The following RAD17 variants were observed in gnomAD, a reference collection of about 807,000 sequenced individuals.
RAD17 encodes RAD17 checkpoint clamp loader component.
Under a neutral mutation model 81.5 loss-of-function variants are expected in RAD17, and 31 were observed. The observed-to-expected ratio is 0.38, with a 90% CI of 0.29 to 0.51. The LOEUF is 0.51. RAD17 is among the 20% of genes least tolerant of loss of function. The pLI is 0.88. For synonymous variants in RAD17, 261 were observed against 266.2 expected, an observed-to-expected ratio of 0.98 and a Z score of 0.19; for missense variants, 681 against 781.2, an observed-to-expected ratio of 0.87 and a Z score of 1.53.
chr5:69,393,306 G>C (rs1373564312), intron 14 of RAD17, 48 bp from the exon 15 acceptor site: 12 of 1,567,012 alleles, frequency 7.7e-6, no homozygotes, highest in South Asian at 2.3e-5. Flanking sequence ...ATATATATTT[G>C]ACCATTGCAT....
chr5:69,384,012 A>G (rs1245512444), intron 7 of RAD17: 1 of 152,058 alleles, frequency 6.6e-6, no homozygotes, highest in Admixed American at 6.6e-5. Flanking sequence ...CTAAAAATTC[A>G]ATAATTAGCC....
Position 69,414,289 on chromosome 5 carries a change from A to G in RAD17, c.2010A>G (p.Thr670=). The change falls in exon 19 of 19, where the codon ACA becomes ACG. Residue 670 remains threonine, a synonymous_variant. Coordinates refer to ENST00000354868, the MANE Select transcript of RAD17 (RefSeq NM_133338.3). ...IIIEDYESDG[T] Reference sequence around the variant, plus strand: ...TAGAAGACTACGAGAGTGATGGGACATAGAAGCCAGCCTGCTAATCAGATT... The same window carrying G: ...TAGAAGACTACGAGAGTGATGGGACGTAGAAGCCAGCCTGCTAATCAGATT... 1 of 1,613,698 alleles carries G rather than the reference A, an allele frequency of 6.2e-7. No homozygotes were observed. The highest frequency in any genetic ancestry group is 8.5e-7 in the Non-Finnish European group (1 of 1,179,640).
At chr5:69,392,393 A>G (rs1307419888) in intron 13 of RAD17, among the ~76,000 whole-genome samples, 2 of 152,188 alleles carry the variant, frequency 1.3e-5, no homozygotes, top group Non-Finnish European at 2.9e-5. Flanking sequence ...GTTTCTTTCA[A>G]TCGTCTTGTA....
chr5:69,373,817 CTT>C lies in RAD17; in HGVS notation c.10-5_10-4del. 7 of 1,485,900 alleles carry C rather than the reference CTT, an allele frequency of 4.7e-6. No individual in the cohort carries two copies. Among genetic ancestry groups the C allele is most frequent in the Non-Finnish European group, 6.3e-6 (7 of 1,109,726 alleles). The allele number at this position is 1,485,900 out of a possible 1,614,324, so 92.0% of individuals were successfully genotyped here. ...AAATGTGATTATATTTACATGATTT[CTT>C]TTTTTTTCAGGTAACAGACTGGGTT... On this transcript the variant is annotated splice_polypyrimidine_tract_variant and intron_variant, in intron 4 of 18. Coordinates refer to ENST00000354868, the MANE Select transcript of RAD17 (RefSeq NM_133338.3).
At chr5:69,385,476 G>A (rs1764154961) in intron 8 of RAD17, among the ~76,000 whole-genome samples, 1 of 151,384 alleles carries the variant, frequency 6.6e-6, no homozygotes, top group African/African-American at 2.4e-5. Context: ...TTGCCACGTT[G>A]GCCAGGCTGG....
chr5:69,398,253 A>G (rs1181983479), intron 16 of RAD17, among the ~76,000 whole-genome samples: 1 of 152,232 alleles, frequency 6.6e-6, no homozygotes, highest in Non-Finnish European at 1.5e-5. Context: ...ATTTCAGAAC[A>G]TCATGTTGTA....
intron 17 of RAD17, 140 bp downstream of exon 17, chr5:69,400,309 C>A: frequency 2.0e-6 from 1 of 494,512 alleles, no homozygotes; most frequent in Non-Finnish European, 3.0e-6. Flanking sequence ...CCTCTGCCTC[C>A]TGGGTTCAAG....
intron 12 of RAD17, among the ~76,000 whole-genome samples, chr5:69,391,409 T>A (rs1764550713): frequency 6.6e-6 from 1 of 152,214 alleles, no homozygotes. Flanking sequence ...CAGATTTTTT[T>A]AAGATTTTGG....
intron 18 of RAD17, 40 bp from the exon 19 acceptor site, chr5:69,413,991 C>T: frequency 1.3e-6 from 2 of 1,599,696 alleles, no homozygotes; most frequent in Middle Eastern, 1.7e-4. Flanking sequence ...AAAATCTTCT[C>T]CTTTGGTTCT....
Position 69,371,524 on chromosome 5 carries a change from A to C in RAD17, c.-209A>C. Reference sequence around the variant, plus strand: ...AACTATTACAGTTTATAATGTCAAAAACTTTTCTTAGACCAAAGGTATCTT... The same window carrying C: ...AACTATTACAGTTTATAATGTCAAACACTTTTCTTAGACCAAAGGTATCTT... On this transcript the variant is annotated 5_prime_UTR_variant, in exon 3 of 19. Coordinates refer to ENST00000354868, the MANE Select transcript of RAD17 (RefSeq NM_133338.3). 14 of 1,435,246 alleles carry C rather than the reference A, an allele frequency of 9.8e-6. No individual in the cohort carries two copies. Among genetic ancestry groups the C allele is most frequent in the Non-Finnish European group, 1.3e-5 (14 of 1,073,898 alleles). 88.9% of individuals were successfully genotyped at this position (1,435,246 alleles called of 1,614,324 possible). A position where few individuals can be genotyped will look rare whatever the true frequency, so the allele number is the denominator to read the frequency against.
Position 69,400,502 on chromosome 5 carries a change from C to T in RAD17, c.1693+333C>T, listed in dbSNP as rs1045077265. Among the ~76,000 whole-genome samples the T allele has an allele frequency of 2.6e-5, 4 of 152,106 alleles. No individual in the cohort carries two copies. The South Asian group carries it at 8.3e-4, about 32-fold the overall frequency. On this transcript the variant is annotated intron_variant, in intron 17 of 18. Transcript: ENST00000354868. ...GAGTGCTGGGATTACAGGTGTGAGC[C>T]ACCGCACACGGCCAGAAGTAGGGTT...
chr5:69,377,507 G>GTA (rs1241607474), intron 6 of RAD17, among the ~76,000 whole-genome samples: 72 of 73,078 alleles, frequency 9.9e-4, no homozygotes, highest in Non-Finnish European at 1.3e-3. Context: ...GTATATATAT[G>GTA]TATATATACG....
In RAD17 at chr5:69,414,094, A is replaced by G; in HGVS notation, c.1815A>G (p.Glu605=). ...HGMIDPDSGD[E]AQLNGGHSAE... Reference sequence around the variant, plus strand: ...TGATAGACCCTGACAGCGGAGATGAAGCCCAGCTTAATGGAGGACATTCTG... The same window carrying G: ...TGATAGACCCTGACAGCGGAGATGAGGCCCAGCTTAATGGAGGACATTCTG... The change falls in exon 19 of 19, where the codon GAA becomes GAG. Residue 605 remains glutamate, a synonymous_variant. Coordinates refer to ENST00000354868, the MANE Select transcript of RAD17 (RefSeq NM_133338.3). 1 of 1,614,232 alleles carries G rather than the reference A, an allele frequency of 6.2e-7. No individual in the cohort carries two copies. The highest frequency in any genetic ancestry group is 1.3e-5 in the African/African-American group (1 of 75,062).
At position 69,395,212 on chromosome 5, in the gene RAD17, TAAAAG is replaced by T. The variant is rs377441017; in HGVS notation, c.1423-1184_1423-1180del. Among the ~76,000 whole-genome samples the T allele has an allele frequency of 3.2e-3, 485 of 152,238 alleles. 3 individuals carry two copies. Among genetic ancestry groups the T allele is most frequent in the African/African-American group, 0.011 (454 of 41,530 alleles). On this transcript the variant is annotated intron_variant, in intron 15 of 18. Coordinates refer to ENST00000354868, the MANE Select transcript of RAD17 (RefSeq NM_133338.3). ...GAAATTTTCCATCCTATAAATAAATTAAAAGGATAGTACAATGAGCCAGGAGTGGT... is the reference window on the plus strand; with the variant it reads ...GAAATTTTCCATCCTATAAATAAATTGATAGTACAATGAGCCAGGAGTGGT...
chr5:69,398,899 G>A (rs1765073652), intron 16 of RAD17, among the ~76,000 whole-genome samples: 2 of 144,806 alleles, frequency 1.4e-5, no homozygotes, highest in Non-Finnish European at 1.5e-5. Context: ...GAGGCCAGGT[G>A]CAGTGGCTCA....
At chr5:69,407,845 C>T (rs1765726072) in intron 17 of RAD17, among the ~76,000 whole-genome samples, 1 of 152,144 alleles carries the variant, frequency 6.6e-6, no homozygotes, top group African/African-American at 2.4e-5. Flanking sequence ...AGCTACCACG[C>T]CTGGCCTATG....
intron 6 of RAD17, among the ~76,000 whole-genome samples, chr5:69,381,015 T>C (rs1763822425): frequency 6.6e-6 from 1 of 152,030 alleles, no homozygotes; most frequent in Admixed American, 6.6e-5. Flanking sequence ...GGAATCCGTC[T>C]GCCTCAGCCT....
rs146726098 is a variant in RAD17, at chr5:69,402,346, G to A, written c.1693+2177G>A. Among the ~76,000 whole-genome samples the A allele has an allele frequency of 1.0e-3, 159 of 151,776 alleles. 1 individual carries two copies. The highest frequency in any genetic ancestry group is 3.7e-3 in the African/African-American group (154 of 41,466). ...ATTACAGGCGTGAGCCACCGCGCCC[G>A]GCCACTGGTTTTTAAACTTTATTTT... On this transcript the variant is annotated intron_variant, in intron 17 of 18. Transcript: ENST00000354868.
intron 6 of RAD17, among the ~76,000 whole-genome samples, chr5:69,379,023 C>T (rs1200003989): frequency 3.3e-5 from 5 of 152,124 alleles, no homozygotes; most frequent in African/African-American, 9.7e-5. Context: ...GGGTGGATTA[C>T]CTGATGTCAG....
Sources: gnomAD v4.1 joint callset for allele counts (sites outside exome capture counted in the v4.1 genomes callset) on GRCh38, gnomAD v4.1.1 for gene constraint, MANE v1.5 for transcripts, NCBI Gene and HGNC (gene_info 2026-07-23, HGNC 2026-07-21) for gene names.